DSC3: variants seen among roughly 807,000 people sequenced by gnomAD.
DSC3 encodes the protein desmocollin-3.
DSC3 carries 97 observed loss-of-function variants against 89.5 expected under a neutral mutation model. The ratio of observed to expected loss-of-function variants is 1.08; its 90% CI spans 0.92 to 1.28. The LOEUF (loss-of-function observed/expected upper bound fraction) is 1.28. Ranked by LOEUF, DSC3 falls within the 50% of genes most tolerant of loss-of-function variation. DSC3 has a pLI of 0.00. For synonymous variants in DSC3, 436 were observed against 384.1 expected (o/e 1.14, Z -1.58); for missense variants, 1,199 against 1,085.3 (o/e 1.10, Z -1.47).
Position 31,029,621 on chromosome 18 carries a change from T to A in DSC3, c.362A>T (p.Lys121Met). 6.2e-7 allele frequency: 1 copy of A among 1,613,772 alleles called. No individual in the cohort carries two copies. Residue 121 changes from lysine to methionine, a missense_variant, in exon 4 of 16, where the codon AAG becomes ATG. Transcript: ENST00000360428. ...AACAGTTTCTCTAGTGTGTCTTGTC[T>A]TCGATACCTGAATTTAGAGAAAAAC... is the stretch of plus-strand genomic sequence containing the variant. ...VLLEHQKKVS[K>M]TRHTRETVLR...
At chr18:31,001,081 G>A (rs1984639315) in intron 14 of DSC3, among the ~76,000 whole-genome samples, 1 of 99,896 alleles carries the variant, frequency 1.0e-5, no homozygotes, top group African/African-American at 3.7e-5. Flanking sequence ...TATATACTTT[G>A]TGTGTGTGTA....
chr18:30,996,082 A>G (rs1984455444), intron 15 of DSC3, among the ~76,000 whole-genome samples: 1 of 150,672 alleles, frequency 6.6e-6, no homozygotes, highest in Non-Finnish European at 1.5e-5. Context: ...TCTTTCTTTC[A>G]TATTCTTGCT....
chr18:31,012,353 C>T (rs1382707947), intron 9 of DSC3, among the ~76,000 whole-genome samples: 1 of 152,144 alleles, frequency 6.6e-6, no homozygotes, highest in Non-Finnish European at 1.5e-5. Context: ...AGCTAAGTAA[C>T]TCAAGTATGG....
At chr18:31,005,478 G>C (rs183237731) in intron 12 of DSC3, among the ~76,000 whole-genome samples, 1 of 152,128 alleles carries the variant, frequency 6.6e-6, no homozygotes, top group Non-Finnish European at 1.5e-5. Context: ...CTGTACCAAG[G>C]TTAGTCCCCT....
intron 3 of DSC3, among the ~76,000 whole-genome samples, chr18:31,030,728 G>A (rs1985757489): frequency 6.6e-6 from 1 of 151,518 alleles, no homozygotes; most frequent in Non-Finnish European, 1.5e-5. Context: ...GACAGGGAGG[G>A]AAGAAAAGGA....
chr18:31,021,940 C>T (rs2144715650), intron 7 of DSC3, among the ~76,000 whole-genome samples: 1 of 152,040 alleles, frequency 6.6e-6, no homozygotes, highest in Non-Finnish European at 1.5e-5. Flanking sequence ...TAATCCTTTC[C>T]TCACTAAAAG....
At chr18:31,012,935 A>G (rs1035365674) in intron 9 of DSC3, among the ~76,000 whole-genome samples, 4 of 152,166 alleles carry the variant, frequency 2.6e-5, no homozygotes, top group Non-Finnish European at 5.9e-5. Flanking sequence ...TGAAATTAAT[A>G]TAATTGTAAA....
At chr18:31,025,943 A>T (rs769957001) in intron 4 of DSC3, 28 bp from the exon 5 acceptor site, 22 of 1,595,744 alleles carry the variant, frequency 1.4e-5, no homozygotes. Flanking sequence ...ATATGCAAAA[A>T]AATTAAAACT....
At position 31,018,147 on chromosome 18, in the gene DSC3, A is replaced by T. The variant is rs781247564; in HGVS notation, c.1187T>A (p.Leu396Ter). The change falls in exon 9 of 16, where the codon TTA (leucine) becomes TAA (stop). Residue 396 changes from leucine to a stop codon, truncating the protein, a stop_gained. Coordinates refer to ENST00000360428, the MANE Select transcript of DSC3 (RefSeq NM_001941.5). LOFTEE classifies it high-confidence loss of function. ...TANWRVNFTI[L>*]KGNENGHFKI... ...GAAATGTCCATTTTCATTTCCCTTT[A>T]AAATGGTAAAATTGACTCTCCAATT... 1 of 1,612,456 alleles carries T rather than the reference A, an allele frequency of 6.2e-7. No homozygotes were observed. The highest frequency in any genetic ancestry group is 2.2e-5 in the East Asian group (1 of 44,702).
intron 12 of DSC3, 37 bp from the exon 13 acceptor site, chr18:31,004,403 C>A: frequency 6.4e-7 from 1 of 1,569,790 alleles, no homozygotes; most frequent in Non-Finnish European, 8.7e-7. Context: ...TTTTAATGAT[C>A]ATTTATTCTT....
intron 1 of DSC3, among the ~76,000 whole-genome samples, chr18:31,034,276 A>T (rs973918695): frequency 6.6e-6 from 1 of 152,234 alleles, no homozygotes; most frequent in South Asian, 2.1e-4. Flanking sequence ...GCCAAAAAGT[A>T]GATGAAAAGA....
At position 31,034,474 on chromosome 18, in the gene DSC3, A is replaced by G. The variant is rs868407944; in HGVS notation, c.70-2198T>C. ...CAGATACTTTGGAAAACAGTTTTGC[A>G]GTTTCTCAAAAAGTTAAACGTAAAC... On this transcript the variant is annotated intron_variant, in intron 1 of 15. Coordinates refer to ENST00000360428, the MANE Select transcript of DSC3 (RefSeq NM_001941.5). Among the ~76,000 whole-genome samples the G allele has an allele frequency of 3.9e-5, 6 of 152,314 alleles. No homozygotes were observed. In the Middle Eastern group the frequency reaches 0.014, roughly 345 times the overall value.
At position 31,022,346 on chromosome 18, in the gene DSC3, A is replaced by G; in HGVS notation, c.932T>C (p.Leu311Ser). 6.2e-7 allele frequency: 1 copy of G among 1,614,008 alleles called. No homozygotes were observed. Among genetic ancestry groups the G allele is most frequent in the South Asian group, 1.1e-5 (1 of 91,086 alleles). The change falls in exon 7 of 16, where the codon TTG becomes TCG. Residue 311 changes from leucine to serine, a missense_variant. Coordinates refer to ENST00000360428, the MANE Select transcript of DSC3 (RefSeq NM_001941.5). ...TGVITTVSHY[L>S]DREVVDKYSL... ...GAGTGTGTGAGCTACCTCTCTGTCC[A>G]AATAATGAGAGACTGTGGTGATTAC... is the stretch of plus-strand genomic sequence containing the variant.
intron 4 of DSC3, among the ~76,000 whole-genome samples, chr18:31,028,827 G>A (rs1436001573): frequency 6.6e-6 from 1 of 152,020 alleles, no homozygotes; most frequent in Non-Finnish European, 1.5e-5. Flanking sequence ...AAACTTACTA[G>A]TAGAATGCAC....
In DSC3 at chr18:31,025,827, A is replaced by G; in HGVS notation, c.563T>C (p.Ile188Thr). 1 of 1,613,174 alleles carries G rather than the reference A, an allele frequency of 6.2e-7. No individual in the cohort carries two copies. Among genetic ancestry groups the G allele is most frequent in the Non-Finnish European group, 8.5e-7 (1 of 1,179,372 alleles). ...VDKEPLNLFYIERDTGNLFCT... is the reference protein window; with the variant it reads ...VDKEPLNLFYTERDTGNLFCT... ...AAATAGATTTCCAGTGTCTCTTTCT[A>G]TATAAAACAAATTTAAAGGTTCTTT... The change falls in exon 5 of 16, where the codon ATA becomes ACA. Residue 188 changes from isoleucine (I) to threonine (T), a missense_variant. Coordinates refer to ENST00000360428, the MANE Select transcript of DSC3 (RefSeq NM_001941.5).
At chr18:31,012,495 G>C (rs879940787) in intron 9 of DSC3, among the ~76,000 whole-genome samples, 12 of 152,158 alleles carry the variant, frequency 7.9e-5, no homozygotes, top group Non-Finnish European at 1.8e-4. Context: ...ATCTCTCCTA[G>C]ATAGTCTGGA....
chr18:31,021,056 G>GT (rs11463125), intron 7 of DSC3, among the ~76,000 whole-genome samples: 14,430 of 144,776 alleles, frequency 0.1, 819 homozygotes, highest in East Asian at 0.18. Flanking sequence ...TAAATTCACT[G>GT]TTTTTTTTTT....
At position 31,026,223 on chromosome 18, in the gene DSC3, T is replaced by C. The variant is rs561530633; in HGVS notation, c.475-308A>G. Among the ~76,000 whole-genome samples the C allele has an allele frequency of 4.0e-4, 61 of 152,184 alleles. 1 individual carries two copies. Among genetic ancestry groups the C allele is most frequent in the South Asian group, 1.7e-3 (8 of 4,818 alleles). On this transcript the variant is annotated intron_variant, in intron 4 of 15. Transcript: ENST00000360428. Reference sequence around the variant, plus strand: ...AGTGCAAGGGAACAGGCTGGTGTTTTACCTAGCATGTTCAAGGAGTAGCAA... The same window carrying C: ...AGTGCAAGGGAACAGGCTGGTGTTTCACCTAGCATGTTCAAGGAGTAGCAA...
intron 4 of DSC3, among the ~76,000 whole-genome samples, chr18:31,026,487 C>T (rs1028942606): frequency 3.3e-5 from 5 of 152,054 alleles, no homozygotes; most frequent in African/African-American, 1.2e-4. Flanking sequence ...AGGAAAAAAG[C>T]AGGTAGACCA....
Sources: gnomAD v4.1 joint callset for allele counts (sites outside exome capture counted in the v4.1 genomes callset) on GRCh38, gnomAD v4.1.1 for gene constraint, MANE v1.5 for transcripts, NCBI Gene and HGNC (gene_info 2026-07-23, HGNC 2026-07-21) for gene names.